The following ASS1 variants were observed in gnomAD, a reference collection of about 807,000 sequenced individuals.
The protein encoded by ASS1 is argininosuccinate synthase 1.
A neutral mutation model predicts 60.5 loss-of-function variants in ASS1; 58 were observed. That is an observed-to-expected ratio of 0.96 (90% CI 0.78 to 1.19). ASS1 has a LOEUF of 1.19. ASS1 is among the 50% of genes most tolerant of loss of function. The pLI, the probability that ASS1 is intolerant of heterozygous loss-of-function variation, is 0.00. For synonymous variants in ASS1, 200 were observed against 206.9 expected (o/e 0.97, Z 0.29); for missense variants, 454 against 547.3 (o/e 0.83, Z 1.70).
intron 8 of ASS1, among the ~76,000 whole-genome samples, 184 bp downstream of exon 8, chr9:130,471,699 T>C (rs756402539): frequency 5.3e-5 from 8 of 150,516 alleles, no homozygotes; most frequent in Non-Finnish European, 7.4e-5. Context: ...CACCGTCTCC[T>C]CGCTGCATTT....
At chr9:130,475,897 C>A (rs1313592921) in intron 8 of ASS1, among the ~76,000 whole-genome samples, 1 of 152,108 alleles carries the variant, frequency 6.6e-6, no homozygotes, top group African/African-American at 2.4e-5. Context: ...GCTGGGACTA[C>A]AGGCGCATGC....
chr9:130,462,315 G>A (rs529821723), intron 4 of ASS1, among the ~76,000 whole-genome samples: 63 of 152,320 alleles, frequency 4.1e-4, no homozygotes, highest in African/African-American at 1.2e-3. Flanking sequence ...GTTTACACAC[G>A]TGTGCACAAA....
intron 6 of ASS1, among the ~76,000 whole-genome samples, chr9:130,468,622 G>T (rs1845800223): frequency 6.6e-6 from 1 of 152,032 alleles, no homozygotes; most frequent in African/African-American, 2.4e-5. Context: ...TTTACAGACA[G>T]GGTCTCACCA....
intron 11 of ASS1, among the ~76,000 whole-genome samples, chr9:130,485,094 C>T (rs1846276476): frequency 6.6e-6 from 1 of 152,114 alleles, no homozygotes; most frequent in African/African-American, 2.4e-5. Flanking sequence ...GCCTCATTTT[C>T]CTGGGGACAC....
intron 2 of ASS1, among the ~76,000 whole-genome samples, chr9:130,453,475 T>C (rs753970084): frequency 5.9e-5 from 9 of 152,240 alleles, no homozygotes; most frequent in Non-Finnish European, 1.0e-4. Context: ...AATACTTTGC[T>C]CACAGTCACC....
rs549113683 is a variant in ASS1 at position 130,489,961 on chromosome 9, A to AG, written c.970+500dup. ...AACCTGGACCTACTCCATGAACTTG[A>AG]GGGAGAGGCTCCCTGGACCAGGAAC... On this transcript the variant is annotated intron_variant, in intron 12 of 14. Coordinates refer to ENST00000352480, the MANE Select transcript of ASS1 (RefSeq NM_054012.4). The surrounding 1 kb of genome is among the most constrained non-coding windows in gnomAD (Gnocchi z 4.1). 2.6e-4 allele frequency among the ~76,000 whole-genome samples: 39 copies of AG among 152,346 alleles called. No homozygotes were observed. The highest frequency in any genetic ancestry group is 2.3e-3 in the Admixed American group (35 of 15,310).
rs1298716857 is a variant in ASS1, at chr9:130,471,501, C to T, written c.583C>T (p.Leu195=). The T allele has an allele frequency of 6.2e-7, 1 of 1,614,004 alleles. No homozygotes were observed. Among genetic ancestry groups the T allele is most frequent in the African/African-American group, 1.3e-5 (1 of 74,934 alleles). ...LMHISYEAGI[L]ENPKNQAPPG... is the part of the protein sequence containing the mutation. The stretch of plus-strand genomic sequence containing the variant: ...CCTCCGCAGCTACGAGGCTGGAATC[C>T]TGGAGAACCCCAAGGTAATCCCCCA... The change falls in exon 8 of 15, where the codon CTG becomes TTG. Residue 195 remains leucine, a synonymous_variant. Transcript: ENST00000352480.
In ASS1 at chr9:130,483,695, C is replaced by T. The variant is rs528188556; in HGVS notation, c.838+3246C>T. On this transcript the variant is annotated intron_variant, in intron 11 of 14. Transcript: ENST00000352480. ...TTCTCCCGCCGCTCTCCCCTCTCCGCTCTCCTCCCAGCCCTGCCCGTCTCA... is the reference window on the plus strand; with the variant it reads ...TTCTCCCGCCGCTCTCCCCTCTCCGTTCTCCTCCCAGCCCTGCCCGTCTCA... Among the ~76,000 whole-genome samples the T allele has an allele frequency of 4.9e-4, 75 of 151,884 alleles. 1 individual carries two copies. The South Asian group carries it at 0.012, about 25-fold the overall frequency.
intron 11 of ASS1, among the ~76,000 whole-genome samples, chr9:130,483,136 A>G (rs1846210541): frequency 6.6e-6 from 1 of 152,200 alleles, no homozygotes; most frequent in South Asian, 2.1e-4. Context: ...AGAAGGAAAG[A>G]GGAGAGACGG....
chr9:130,460,516 G>T (rs1387048076), intron 4 of ASS1, among the ~76,000 whole-genome samples: 1 of 152,202 alleles, frequency 6.6e-6, no homozygotes, highest in African/African-American at 2.4e-5. Flanking sequence ...TGCGGGAGCA[G>T]CAGGCAGGGG....
At chr9:130,471,596 A>T (rs641510) in intron 8 of ASS1, 81 bp downstream of exon 8, 1 of 1,528,970 alleles carries the variant, frequency 6.5e-7, no homozygotes, top group Non-Finnish European at 9.1e-7. Flanking sequence ...TGATGTATTT[A>T]TAGCCTAATT....
At chr9:130,498,681 C>G (rs1429923255) in intron 13 of ASS1, among the ~76,000 whole-genome samples, 1 of 152,206 alleles carries the variant, frequency 6.6e-6, no homozygotes, top group African/African-American at 2.4e-5. Flanking sequence ...ACCACCATCA[C>G]GCATTTCACA....
chr9:130,449,853 A>G (rs1458560773), intron 1 of ASS1, among the ~76,000 whole-genome samples: 1 of 152,176 alleles, frequency 6.6e-6, no homozygotes, highest in Non-Finnish European at 1.5e-5. Context: ...AAAATATGCG[A>G]TTATTTTTGT....
chr9:130,464,492 C>T (rs1845679582), intron 5 of ASS1, among the ~76,000 whole-genome samples: 1 of 151,994 alleles, frequency 6.6e-6, no homozygotes, highest in African/African-American at 2.4e-5. Context: ...CAGGTGCGGG[C>T]AGGGATGGCT....
At chr9:130,469,864 G>A (rs1012881187) in intron 6 of ASS1, among the ~76,000 whole-genome samples, 3 of 152,182 alleles carry the variant, frequency 2.0e-5, no homozygotes, top group African/African-American at 4.8e-5. Context: ...TGACCCGGTG[G>A]GGGCTGCCTG....
In ASS1 at chr9:130,464,116, C is replaced by A. The variant is rs761616623; in HGVS notation, c.369C>A (p.Asn123Lys). ...YVSHGATGKGNDQVRFELSCY... is the reference protein window; with the variant it reads ...YVSHGATGKGKDQVRFELSCY... ...CCCTCTGTTCTGCATTGCAGGGGAA[C>A]GATCAGGTCCGGTTTGAGCTCAGCT... Residue 123 changes from asparagine (N) to lysine (K), a missense_variant, in exon 5 of 15, where the codon AAC becomes AAA. Physicochemically the swap from Asn to Lys is moderately conservative, Grantham distance 94. Transcript: ENST00000352480. 6.2e-7 allele frequency: 1 copy of A among 1,614,062 alleles called. No individual in the cohort carries two copies. The highest frequency in any genetic ancestry group is 1.3e-5 in the African/African-American group (1 of 74,994).
rs1846424754 is a variant in ASS1, at chr9:130,490,514, A to G, written c.970+1050A>G. Among the ~76,000 whole-genome samples, 3 of 151,876 alleles carry G rather than the reference A, an allele frequency of 2.0e-5. No individual in the cohort carries two copies. The South Asian group carries it at 6.2e-4, about 32-fold the overall frequency. On this transcript the variant is annotated intron_variant, in intron 12 of 14. Coordinates refer to ENST00000352480, the MANE Select transcript of ASS1 (RefSeq NM_054012.4). ...TTTTTAGTAGAGATGGGGTTTCACC[A>G]TGTTGGCCAGGCTGGTCTCGAACTC... is the stretch of plus-strand genomic sequence containing the variant.
At position 130,452,307 on chromosome 9, in the gene ASS1, C is replaced by T; in HGVS notation, c.79C>T (p.Gln27Ter). The T allele has an allele frequency of 6.2e-7, 1 of 1,614,120 alleles. No homozygotes were observed. The highest frequency in any genetic ancestry group is 8.5e-7 in the Non-Finnish European group (1 of 1,179,988). ...TSCILVWLKE[Q>*]GYDVIAYLAN... The stretch of plus-strand genomic sequence containing the variant: ...GTGCATCCTCGTGTGGCTGAAGGAA[C>T]AAGGCTATGACGTCATTGCCTATCT... Residue 27 changes from glutamine (Q) to a stop codon, truncating the protein, a stop_gained, in exon 2 of 15, where the codon CAA (glutamine) becomes TAA (stop). Transcript: ENST00000352480. LOFTEE classifies it high-confidence loss of function.
intron 6 of ASS1, among the ~76,000 whole-genome samples, chr9:130,467,983 T>C (rs563182026): frequency 6.6e-6 from 1 of 152,350 alleles, no homozygotes; most frequent in East Asian, 1.9e-4. Context: ...GAGAAGGTGC[T>C]GAGCTCAGCT....
Sources: allele counts gnomAD v4.1 joint callset (sites outside exome capture counted in the v4.1 genomes callset), GRCh38; gene constraint gnomAD v4.1.1; non-coding constraint Gnocchi (gnomAD v3.1); transcripts MANE v1.5; gene names NCBI Gene and HGNC (gene_info 2026-07-23, HGNC 2026-07-21).